Variants in ICE1 observed in about 807,000 individuals in gnomAD.
The protein encoded by ICE1 is interactor of little elongation complex ELL subunit 1, also known as little elongation complex subunit 1.
In ICE1, 64 loss-of-function variants were observed where a neutral mutation model predicts 192.7. The observed-to-expected ratio is 0.33, with a 90% CI of 0.27 to 0.41. The LOEUF is 0.41. Ranked by LOEUF, ICE1 falls within the 10% of genes least tolerant of loss-of-function variation. The pLI is 1.00. For missense variants in ICE1, 2,708 were observed against 2,696.0 expected (o/e 1.00, Z -0.10); for synonymous variants, 1,010 against 984.5 (o/e 1.03, Z -0.49).
In ICE1 at chr5:5,462,780, T is replaced by C. The variant is rs1331663447; in HGVS notation, c.3446T>C (p.Val1149Ala). Residue 1149 changes from valine to alanine, a missense_variant, in exon 13 of 19, where the codon GTA (valine) becomes GCA (alanine). Physicochemically the swap from Val to Ala is moderately conservative, Grantham distance 64. Transcript: ENST00000296564. ...AVAEVRPSLE[V>A]GYLTSALQDF... ...GCCGAGGTGAGACCTTCCTTAGAGG[T>C]AGGTTATTTGACGTCAGCTCTGCAA... The C allele has an allele frequency of 1.2e-6, 2 of 1,613,364 alleles. No individual in the cohort carries two copies. Among genetic ancestry groups the C allele is most frequent in the Non-Finnish European group, 1.7e-6 (2 of 1,179,690 alleles).
intron 10 of ICE1, among the ~76,000 whole-genome samples, chr5:5,452,732 C>T (rs1398157436): frequency 3.9e-5 from 6 of 152,050 alleles, no homozygotes; most frequent in Non-Finnish European, 8.8e-5. Flanking sequence ...ATAATGATTA[C>T]GCTCTAACAG....
chr5:5,453,514 G>C (rs1738488508), intron 10 of ICE1, among the ~76,000 whole-genome samples: 1 of 152,106 alleles, frequency 6.6e-6, no homozygotes, highest in Non-Finnish European at 1.5e-5. Flanking sequence ...TCTTGAACTG[G>C]AGTAAAGATT....
intron 10 of ICE1, among the ~76,000 whole-genome samples, chr5:5,451,692 G>T (rs1301988323): frequency 1.3e-5 from 2 of 152,100 alleles, no homozygotes; most frequent in African/African-American, 4.8e-5. Flanking sequence ...AATAGTTAAA[G>T]ATCTAACACC....
At chr5:5,425,362 G>A (rs1737490000) in intron 1 of ICE1, among the ~76,000 whole-genome samples, 1 of 152,194 alleles carries the variant, frequency 6.6e-6, no homozygotes, top group Non-Finnish European at 1.5e-5. Flanking sequence ...TTGGGGACTT[G>A]CTCAGAACTG....
At chr5:5,452,736 C>G (rs1738461265) in intron 10 of ICE1, among the ~76,000 whole-genome samples, 1 of 152,056 alleles carries the variant, frequency 6.6e-6, no homozygotes, top group African/African-American at 2.4e-5. Flanking sequence ...TGATTACGCT[C>G]TAACAGATAT....
chr5:5,461,021 T>C lies in ICE1; in HGVS notation c.1687T>C (p.Phe563Leu), dbSNP rs1056509046. The change falls in exon 13 of 19, where the codon TTT becomes CTT. Residue 563 changes from phenylalanine (F) to leucine (L), a missense_variant. Physicochemically the swap from Phe to Leu is conservative, Grantham distance 22. Coordinates refer to ENST00000296564, the MANE Select transcript of ICE1 (RefSeq NM_015325.3). ...SKMMGSPKSE[F>L]TKWTRINEIT... ...AATGATGGGATCGCCCAAATCAGAG[T>C]TTACTAAGTGGACACGAATTAATGA... 1 of 1,613,842 alleles carries C rather than the reference T, an allele frequency of 6.2e-7. No individual in the cohort carries two copies.
chr5:5,447,729 TG>T lies in ICE1; in HGVS notation c.517del (p.Asp173ThrfsTer12). The T allele has an allele frequency of 6.3e-7, 1 of 1,582,642 alleles. No homozygotes were observed. The highest frequency in any genetic ancestry group is 8.6e-7 in the Non-Finnish European group (1 of 1,162,020). On this transcript the variant is annotated frameshift_variant, in exon 9 of 19. Transcript: ENST00000296564. LOFTEE classifies it high-confidence loss of function. ...KEFKKTQERL[D>X]EFSKQKNEKE... ...ATATTTTGTTTTCACAGGAAAGGCTTGACGAATTTTCTAAACAGAAAAATGA... is the reference window on the plus strand; with the variant it reads ...ATATTTTGTTTTCACAGGAAAGGCTTACGAATTTTCTAAACAGAAAAATGA...
Position 5,462,332 on chromosome 5 carries a change from A to G in ICE1, c.2998A>G (p.Ser1000Gly). ...TDLDSSGTHG[S>G]EMLPATEVTV... ...TCTGGACTCCAGTGGGACACATGGC[A>G]GTGAGATGCTTCCAGCCACAGAAGT... Residue 1000 changes from serine (S) to glycine (G), a missense_variant, in exon 13 of 19, where the codon AGT becomes GGT. Ser to Gly is a moderately conservative substitution (Grantham distance 56). Transcript: ENST00000296564. 3 of 1,614,022 alleles carry G rather than the reference A, an allele frequency of 1.9e-6. No homozygotes were observed. Among genetic ancestry groups the G allele is most frequent in the Non-Finnish European group, 2.5e-6 (3 of 1,179,898 alleles).
intron 10 of ICE1, among the ~76,000 whole-genome samples, chr5:5,448,642 C>T (rs956931050): frequency 4.6e-5 from 7 of 151,820 alleles, no homozygotes; most frequent in African/African-American, 1.7e-4. Flanking sequence ...AATGGTATTT[C>T]ATCTCACTAA....
intron 6 of ICE1, among the ~76,000 whole-genome samples, chr5:5,443,769 G>T (rs575377268): frequency 6.6e-6 from 1 of 152,182 alleles, no homozygotes; most frequent in Non-Finnish European, 1.5e-5. Flanking sequence ...CACAACAAAT[G>T]TGAGCTATAC....
chr5:5,475,961 GT>G lies in ICE1; in HGVS notation c.6414-5del. ...TGATGAGCATACATCTTTTCATGTTGTTTTTTTATAGTAAGGAGCTGTGGCC... is the reference window on the plus strand; with the variant it reads ...TGATGAGCATACATCTTTTCATGTTGTTTTTTATAGTAAGGAGCTGTGGCC... On this transcript the variant is annotated splice_polypyrimidine_tract_variant and intron_variant, in intron 16 of 18. Coordinates refer to ENST00000296564, the MANE Select transcript of ICE1 (RefSeq NM_015325.3). The G allele has an allele frequency of 3.3e-6, 5 of 1,534,414 alleles. No individual in the cohort carries two copies. The highest frequency in any genetic ancestry group is 2.3e-5 in the South Asian group (2 of 87,772).
intron 8 of ICE1, 74 bp downstream of exon 8, chr5:5,447,583 ACT>A (rs1738269154): frequency 1.5e-6 from 2 of 1,375,524 alleles, no homozygotes; most frequent in Non-Finnish European, 2.0e-6. Flanking sequence ...CTGTGTTGTA[ACT>A]CACGTAGGAG....
At chr5:5,484,834 G>C (rs1739596392) in intron 17 of ICE1, among the ~76,000 whole-genome samples, 2 of 152,184 alleles carry the variant, frequency 1.3e-5, no homozygotes, top group African/African-American at 4.8e-5. Context: ...GTAGTATTGA[G>C]AGAGAATGTG....
At position 5,463,380 on chromosome 5, in the gene ICE1, G is replaced by A. The variant is rs371784843; in HGVS notation, c.4046G>A (p.Arg1349His). The A allele has an allele frequency of 1.4e-4, 223 of 1,613,632 alleles. No individual in the cohort carries two copies. Among genetic ancestry groups the A allele is most frequent in the Non-Finnish European group, 1.8e-4 (214 of 1,179,824 alleles). Residue 1349 changes from arginine to histidine, a missense_variant, in exon 13 of 19, where the codon CGT (arginine) becomes CAT (histidine). Around this residue, in one of 2 missense-constraint regions of ICE1, gnomAD observed 2,366 missense variants for 2,276.6 expected, o/e 1.04. Transcript: ENST00000296564. Reference sequence around the variant, plus strand: ...AACCCTCAGAGCAGACCAGAGGCCCGTTCAGATGCAGGCAGGCAAACCGAT... The same window carrying A: ...AACCCTCAGAGCAGACCAGAGGCCCATTCAGATGCAGGCAGGCAAACCGAT... ...NENPQSRPEA[R>H]SDAGRQTDGG...
chr5:5,462,213 C>G lies in ICE1; in HGVS notation c.2879C>G (p.Ser960Cys), dbSNP rs1454925873. The G allele has an allele frequency of 6.2e-7, 1 of 1,610,514 alleles. No individual in the cohort carries two copies. Residue 960 changes from serine to cysteine, a missense_variant, in exon 13 of 19, where the codon TCT (serine) becomes TGT (cysteine). By Grantham distance (112) the Ser-to-Cys change is moderately radical. Coordinates refer to ENST00000296564, the MANE Select transcript of ICE1 (RefSeq NM_015325.3). ...TCCACAAATAGCAGATTATCTTTCTCTCCTGAAAATATCCTCATCCAAAAC... is the reference window on the plus strand; with the variant it reads ...TCCACAAATAGCAGATTATCTTTCTGTCCTGAAAATATCCTCATCCAAAAC... ...DCSTNSRLSFSPENILIQNQD... is the reference protein window; with the variant it reads ...DCSTNSRLSFCPENILIQNQD...
At chr5:5,453,382 C>T (rs1460151825) in intron 10 of ICE1, among the ~76,000 whole-genome samples, 1 of 152,152 alleles carries the variant, frequency 6.6e-6, no homozygotes, top group Non-Finnish European at 1.5e-5. Flanking sequence ...TTGTCCTGCC[C>T]CTTTCTGTGG....
At chr5:5,428,801 C>G in intron 1 of ICE1, among the ~76,000 whole-genome samples, 1 of 152,150 alleles carries the variant, frequency 6.6e-6, no homozygotes, top group East Asian at 1.9e-4. Context: ...ATTGTAATGT[C>G]TCTTCAGCCT....
At chr5:5,475,903 A>G in intron 16 of ICE1, 70 bp from the exon 17 acceptor site, 1 of 944,552 alleles carries the variant, frequency 1.1e-6, no homozygotes, top group East Asian at 2.5e-5. Context: ...TTGCTTAAGG[A>G]TCATTTATAA....
chr5:5,425,668 C>T (rs1415137702), intron 1 of ICE1, among the ~76,000 whole-genome samples: 2 of 152,110 alleles, frequency 1.3e-5, no homozygotes, highest in Non-Finnish European at 2.9e-5. Context: ...ATCATAAATT[C>T]TTGTACTTAT....
Sources: allele counts gnomAD v4.1 joint callset (sites outside exome capture counted in the v4.1 genomes callset), GRCh38; gene constraint gnomAD v4.1.1; regional missense constraint gnomAD v4.1.1; transcripts MANE v1.5; gene names NCBI Gene and HGNC (gene_info 2026-07-23, HGNC 2026-07-21).